Variants in MED27 observed in about 807,000 individuals in gnomAD.
MED27 encodes mediator of RNA polymerase II transcription subunit 27.
A neutral mutation model predicts 38.2 loss-of-function variants in MED27; 30 were observed. The ratio of observed to expected loss-of-function variants is 0.79; its 90% CI spans 0.59 to 1.07. The LOEUF is 1.07. MED27 is among the 50% of genes least tolerant of loss of function. The probability of loss-of-function intolerance (pLI) is 0.00; values close to 1 mark genes in which losing one functional copy is unlikely to be tolerated. For synonymous variants in MED27, 122 were observed against 153.5 expected (o/e 0.79, Z 1.52); for missense variants, 289 against 397.5 (o/e 0.73, Z 2.32).
intron 3 of MED27, among the ~76,000 whole-genome samples, chr9:131,988,471 G>A (rs919415583): frequency 5.3e-5 from 8 of 152,170 alleles, no homozygotes; most frequent in African/African-American, 9.7e-5. Context: ...AAGACAATGC[G>A]GATGAAGGCT....
intron 4 of MED27, among the ~76,000 whole-genome samples, chr9:131,920,807 C>A (rs1020087548): frequency 6.6e-6 from 1 of 151,840 alleles, no homozygotes; most frequent in African/African-American, 2.4e-5. Flanking sequence ...GGAGTCAGGG[C>A]AGATGATGGG....
chr9:131,973,964 T>C (rs944059516), intron 3 of MED27, among the ~76,000 whole-genome samples: 3 of 152,092 alleles, frequency 2.0e-5, no homozygotes, highest in African/African-American at 4.8e-5. Flanking sequence ...CCACCCGCCT[T>C]GGCCTCCCAA....
chr9:132,005,181 C>T (rs961941711), intron 3 of MED27, among the ~76,000 whole-genome samples: 2 of 152,146 alleles, frequency 1.3e-5, no homozygotes, highest in Non-Finnish European at 2.9e-5. Flanking sequence ...ACTTCTCTGA[C>T]GCCTCAGATG....
intron 4 of MED27, 65 bp downstream of exon 4, chr9:131,939,316 G>A: frequency 9.8e-7 from 1 of 1,019,636 alleles, no homozygotes; most frequent in South Asian, 1.5e-5. Context: ...CACAGGACCA[G>A]AGAGTTAATT....
chr9:131,892,509 C>A (rs899005276), intron 5 of MED27, among the ~76,000 whole-genome samples: 2 of 152,190 alleles, frequency 1.3e-5, no homozygotes, highest in South Asian at 4.1e-4. Context: ...TCTAGTAGCA[C>A]GGTCCTGATT....
intron 6 of MED27, among the ~76,000 whole-genome samples, chr9:131,873,153 G>A (rs561484445): frequency 1.0e-3 from 158 of 152,330 alleles, no homozygotes; most frequent in African/African-American, 3.5e-3. Flanking sequence ...AGGGACAGTA[G>A]GAATCTCTTG....
chr9:132,072,272 C>T lies in MED27; in HGVS notation c.348+5170G>A, dbSNP rs538108637. Among the ~76,000 whole-genome samples the T allele has an allele frequency of 4.0e-5, 6 of 151,812 alleles. No individual in the cohort carries two copies. In the South Asian group the frequency reaches 8.3e-4, roughly 21 times the overall value. On this transcript the variant is annotated intron_variant, in intron 2 of 7. Transcript: ENST00000292035. Reference sequence around the variant, plus strand: ...GCATTATCTCAATCTTCGCTTCAACCCTATGATCCAAATACTAGTATTATC... The same window carrying T: ...GCATTATCTCAATCTTCGCTTCAACTCTATGATCCAAATACTAGTATTATC...
intron 2 of MED27, among the ~76,000 whole-genome samples, chr9:132,074,931 A>C (rs1315054131): frequency 1.3e-5 from 2 of 152,236 alleles, no homozygotes; most frequent in Admixed American, 1.3e-4. Flanking sequence ...ACAGAGAGTT[A>C]CAAGGATTCT....
At chr9:132,053,264 A>AT (rs1564341832) in intron 2 of MED27, among the ~76,000 whole-genome samples, 1 of 151,656 alleles carries the variant, frequency 6.6e-6, no homozygotes, top group East Asian at 1.9e-4. Context: ...AAAAAAAAAA[A>AT]AAAAAGAAAA....
chr9:131,942,729 A>G (rs992575616), intron 3 of MED27, among the ~76,000 whole-genome samples: 3 of 152,164 alleles, frequency 2.0e-5, no homozygotes, highest in African/African-American at 7.2e-5. Context: ...AAAAATAAAG[A>G]AATGAGGTGG....
intron 3 of MED27, among the ~76,000 whole-genome samples, chr9:131,946,394 C>T (rs999398812): frequency 6.6e-6 from 1 of 152,186 alleles, no homozygotes; most frequent in Non-Finnish European, 1.5e-5. Context: ...CTTTTCTCCA[C>T]ATTCTTGCCA....
rs1479983308 is a variant in MED27, at chr9:131,982,609, A to C, written c.479+31728T>G. Among the ~76,000 whole-genome samples, 1 of 152,236 alleles carries C rather than the reference A, an allele frequency of 6.6e-6. No individual in the cohort carries two copies. Among genetic ancestry groups the C allele is most frequent in the Non-Finnish European group, 1.5e-5 (1 of 68,044 alleles). The stretch of plus-strand genomic sequence containing the variant: ...GTTATCCCCATTTTACAGATGGGAA[A>C]ACAGCACACAAGTAACTTGGTCCAC... On this transcript the variant is annotated intron_variant, in intron 3 of 7. Transcript: ENST00000292035. The surrounding 1 kb of genome is among the most constrained non-coding windows in gnomAD (Gnocchi z 4.3).
chr9:132,004,152 C>T (rs774695302), intron 3 of MED27, among the ~76,000 whole-genome samples: 4 of 152,160 alleles, frequency 2.6e-5, no homozygotes, highest in Non-Finnish European at 4.4e-5. Context: ...TAAAGTGTTC[C>T]GTCCCTGACA....
chr9:131,961,218 A>T (rs1831208017), intron 3 of MED27, among the ~76,000 whole-genome samples: 1 of 152,226 alleles, frequency 6.6e-6, no homozygotes, highest in East Asian at 1.9e-4. Flanking sequence ...AACCCATCAC[A>T]TGCCCGTAAA....
chr9:131,922,479 C>CA (rs1186959049), intron 4 of MED27, among the ~76,000 whole-genome samples: 4 of 148,296 alleles, frequency 2.7e-5, no homozygotes, highest in Admixed American at 6.7e-5. Flanking sequence ...CACACTCTGT[C>CA]ACCCAGGTTG....
chr9:131,964,401 G>A (rs904626090), intron 3 of MED27, among the ~76,000 whole-genome samples: 1 of 88,714 alleles, frequency 1.1e-5, no homozygotes, highest in Non-Finnish European at 2.4e-5. Context: ...GGTGATGCTG[G>A]AGGTGATAGT....
At chr9:132,011,627 A>G (rs1832489205) in intron 3 of MED27, among the ~76,000 whole-genome samples, 1 of 152,154 alleles carries the variant, frequency 6.6e-6, no homozygotes, top group Non-Finnish European at 1.5e-5. Flanking sequence ...TGATCATACC[A>G]CTGCACTCCA....
intron 4 of MED27, among the ~76,000 whole-genome samples, chr9:131,926,205 G>A (rs150727279): frequency 1.0e-3 from 159 of 152,342 alleles, no homozygotes; most frequent in African/African-American, 3.6e-3. Flanking sequence ...CAAAAACTTC[G>A]TGTGGTCCAC....
At position 131,955,356 on chromosome 9, in the gene MED27, T is replaced by C. The variant is rs146266603; in HGVS notation, c.480-15882A>G. Among the ~76,000 whole-genome samples, 526 of 151,740 alleles carry C rather than the reference T, an allele frequency of 3.5e-3. 16 individuals are homozygous for C. Among genetic ancestry groups the C allele is most frequent in the Admixed American group, 0.03 (461 of 15,248 alleles). ...TGAAGATCAAATATCTAAGCTTCCA[T>C]TAAAAAAAGAAAAAGAAGAGAAAAT... On this transcript the variant is annotated intron_variant, in intron 3 of 7. Coordinates refer to ENST00000292035, the MANE Select transcript of MED27 (RefSeq NM_004269.4).
Sources: allele counts gnomAD v4.1 joint callset (sites outside exome capture counted in the v4.1 genomes callset), GRCh38; gene constraint gnomAD v4.1.1; non-coding constraint Gnocchi (gnomAD v3.1); transcripts MANE v1.5; gene names NCBI Gene and HGNC (gene_info 2026-07-23, HGNC 2026-07-21).